Variants in SNX29 observed in about 807,000 individuals in gnomAD.
SNX29 encodes the protein sorting nexin 29.
SNX29 carries 78 observed loss-of-function variants against 102.1 expected under a neutral mutation model. The observed-to-expected ratio is 0.76, with a 90% CI of 0.64 to 0.92. The LOEUF (loss-of-function observed/expected upper bound fraction) is 0.92. Ranked by LOEUF, SNX29 falls within the 40% of genes least tolerant of loss-of-function variation. SNX29 has a pLI of 0.00. For synonymous variants in SNX29, 580 were observed against 414.5 expected, an observed-to-expected ratio of 1.40 and a Z score of -4.85; for missense variants, 1,280 against 1,061.7, an observed-to-expected ratio of 1.21 and a Z score of -2.86.
chr16:12,121,756 C>CCCAGTTTAGGGTT (rs1361468084), intron 11 of SNX29, among the ~76,000 whole-genome samples: 1 of 152,120 alleles, frequency 6.6e-6, no homozygotes, highest in Non-Finnish European at 1.5e-5. Flanking sequence ...GGGTCCTGGG[C>CCCAGTTTAGGGTT]CCAGTTTAGG....
intron 14 of SNX29, among the ~76,000 whole-genome samples, chr16:12,250,524 T>A (rs1276332006): frequency 6.6e-6 from 1 of 152,184 alleles, no homozygotes; most frequent in African/African-American, 2.4e-5. Flanking sequence ...CTCATGAGCC[T>A]CTTACCCACT....
intron 4 of SNX29, among the ~76,000 whole-genome samples, chr16:12,034,066 C>T (rs1052694763): frequency 2.7e-4 from 41 of 152,130 alleles, no homozygotes; most frequent in Non-Finnish European, 5.4e-4. Flanking sequence ...CAGTGGGAAG[C>T]GGTGGTAATA....
chr16:12,322,009 G>GA, intron 15 of SNX29, among the ~76,000 whole-genome samples: 1 of 152,188 alleles, frequency 6.6e-6, no homozygotes, highest in Non-Finnish European at 1.5e-5. Context: ...GGTAAGGGGG[G>GA]ATTCCAGAGG....
At chr16:12,131,691 C>T (rs542406920) in intron 13 of SNX29, among the ~76,000 whole-genome samples, 4 of 152,260 alleles carry the variant, frequency 2.6e-5, no homozygotes, top group Admixed American at 6.5e-5. Flanking sequence ...AATAAGACCA[C>T]GAGATAAACA....
chr16:12,530,079 C>T (rs778169189), intron 20 of SNX29, among the ~76,000 whole-genome samples: 29 of 152,230 alleles, frequency 1.9e-4, no homozygotes, highest in Non-Finnish European at 4.1e-4. Context: ...CCAACTACTC[C>T]CTCTTGCTTT....
At chr16:12,556,199 T>C (rs761539763) in intron 20 of SNX29, among the ~76,000 whole-genome samples, 1 of 152,180 alleles carries the variant, frequency 6.6e-6, no homozygotes, top group Non-Finnish European at 1.5e-5. Context: ...GAGTCTGAAA[T>C]GCAACCTAGG....
intron 19 of SNX29, among the ~76,000 whole-genome samples, chr16:12,518,874 C>G (rs937834265): frequency 6.6e-6 from 1 of 152,208 alleles, no homozygotes; most frequent in Admixed American, 6.5e-5. Flanking sequence ...TACTGCAGGT[C>G]TCTGACAGCC....
At chr16:12,288,503 A>G (rs2079679105) in intron 15 of SNX29, among the ~76,000 whole-genome samples, 1 of 152,062 alleles carries the variant, frequency 6.6e-6, no homozygotes, top group Non-Finnish European at 1.5e-5. Context: ...TGGAGCTGTG[A>G]CACCGCCACT....
intron 15 of SNX29, among the ~76,000 whole-genome samples, chr16:12,337,359 C>G (rs1027551446): frequency 1.3e-5 from 2 of 151,580 alleles, no homozygotes; most frequent in Non-Finnish European, 2.9e-5. Context: ...TGTTGTTGTT[C>G]AAGACAGGGT....
At chr16:12,050,793 C>G (rs1311063711) in intron 7 of SNX29, among the ~76,000 whole-genome samples, 1 of 152,060 alleles carries the variant, frequency 6.6e-6, no homozygotes, top group African/African-American at 2.4e-5. Context: ...CTCACTGCAA[C>G]CTCTGCCTCC....
chr16:12,024,329 A>G (rs372458285), intron 3 of SNX29, among the ~76,000 whole-genome samples: 1 of 152,058 alleles, frequency 6.6e-6, no homozygotes, highest in East Asian at 1.9e-4. Context: ...TTTTTTTAGT[A>G]GAAATGGGGT....
intron 18 of SNX29, among the ~76,000 whole-genome samples, chr16:12,407,159 G>A (rs4781229): frequency 0.55 from 83,873 of 151,966 alleles, 23,829 homozygotes; most frequent in Non-Finnish European, 0.62. Flanking sequence ...CACATCCTGC[G>A]GGGAGAAGGG....
chr16:12,448,778 T>C (rs2086174496), intron 18 of SNX29, among the ~76,000 whole-genome samples: 2 of 152,330 alleles, frequency 1.3e-5, no homozygotes, highest in South Asian at 4.1e-4. Context: ...TCAGTCTTTC[T>C]CCAAGACAAC....
chr16:12,557,563 T>C (rs574526901), intron 20 of SNX29: 3 of 152,286 alleles, frequency 2.0e-5, no homozygotes, highest in East Asian at 1.9e-4. Context: ...CATTTCACTA[T>C]GTTGGCTAGG....
intron 18 of SNX29, among the ~76,000 whole-genome samples, chr16:12,453,391 G>A (rs964174068): frequency 2.0e-5 from 3 of 152,116 alleles, no homozygotes; most frequent in South Asian, 4.1e-4. Context: ...CCTTACTGGC[G>A]GTGTGACCCT....
chr16:12,355,797 G>A (rs1438574421), intron 15 of SNX29, among the ~76,000 whole-genome samples: 1 of 139,886 alleles, frequency 7.1e-6, no homozygotes, highest in Non-Finnish European at 1.5e-5. Context: ...GGGCTCTGGT[G>A]TCAGTTCCTT....
chr16:12,078,741 C>A, intron 10 of SNX29, 92 bp from the exon 11 acceptor site: 1 of 1,031,078 alleles, frequency 9.7e-7, no homozygotes, highest in Non-Finnish European at 1.5e-6. Flanking sequence ...GTAGAGGTAC[C>A]GGAGTAAACC....
rs1212782573 is a variant in SNX29, at chr16:12,101,301, CT to C, written c.1402+22401del. On this transcript the variant is annotated intron_variant, in intron 11 of 20. Transcript: ENST00000566228. ...AATGTACCTTTGTGGCCCCCCCCAA[CT>C]TTTTTTTTTTTTTTGCCTTGCAGAA... Among the ~76,000 whole-genome samples, 507 of 118,502 alleles carry C rather than the reference CT, an allele frequency of 4.3e-3. 2 individuals are homozygous for C. Among genetic ancestry groups the C allele is most frequent in the African/African-American group, 0.012 (326 of 28,328 alleles). 77.7% of individuals were successfully genotyped at this position (118,502 alleles called of 152,430 possible).
In SNX29 at chr16:12,569,857, A is replaced by T; in HGVS notation, c.*1228A>T. The T allele has an allele frequency of 4.3e-6, 1 of 231,188 alleles. No individual in the cohort carries two copies. Among genetic ancestry groups the T allele is most frequent in the Non-Finnish European group, 8.6e-6 (1 of 116,722 alleles). The allele number at this position is 231,188 out of a possible 1,614,324, so 14.3% of individuals were successfully genotyped here. Reference sequence around the variant, plus strand: ...TAAACTAACTAGGAAGGATGTCGTGAAATGGACTATGCAAGAGTAAGTTTG... The same window carrying T: ...TAAACTAACTAGGAAGGATGTCGTGTAATGGACTATGCAAGAGTAAGTTTG... On this transcript the variant is annotated 3_prime_UTR_variant, in exon 21 of 21. Coordinates refer to ENST00000566228, the MANE Select transcript of SNX29 (RefSeq NM_032167.5).
Sources: gnomAD v4.1 joint callset for allele counts (sites outside exome capture counted in the v4.1 genomes callset) on GRCh38, gnomAD v4.1.1 for gene constraint, MANE v1.5 for transcripts, NCBI Gene and HGNC (gene_info 2026-07-23, HGNC 2026-07-21) for gene names.